The following TMEM163 variants were observed in gnomAD, a reference collection of about 807,000 sequenced individuals.
TMEM163 encodes the protein transmembrane protein 163.
A neutral mutation model predicts 29.3 loss-of-function variants in TMEM163; 17 were observed. The ratio of observed to expected loss-of-function variants is 0.58; its 90% CI spans 0.40 to 0.87. TMEM163 has a LOEUF of 0.87. Among genes scored for constraint, TMEM163 ranks in the 40% least tolerant of loss-of-function variants. The pLI is 0.00. For missense variants in TMEM163, 303 were observed against 381.5 expected (o/e 0.79, Z 1.71); for synonymous variants, 157 against 160.6 (o/e 0.98, Z 0.17).
At chr2:134,467,258 G>C (rs1466609545) in intron 5 of TMEM163, 1 of 152,196 alleles carries the variant, frequency 6.6e-6, no homozygotes, top group Non-Finnish European at 1.5e-5. Context: ...TCCTCCAAGA[G>C]TTGGAGATTA....
intron 2 of TMEM163, among the ~76,000 whole-genome samples, chr2:134,563,405 GAATT>G (rs1333700320): frequency 6.6e-6 from 1 of 152,158 alleles, no homozygotes; most frequent in Non-Finnish European, 1.5e-5. Flanking sequence ...GAACTAGAAA[GAATT>G]AAGAAGTGAA....
intron 2 of TMEM163, among the ~76,000 whole-genome samples, chr2:134,679,396 T>C (rs926286406): frequency 6.6e-6 from 1 of 152,150 alleles, no homozygotes; most frequent in Non-Finnish European, 1.5e-5. Context: ...TTTCCTTCCA[T>C]GAAAACAAGA....
At chr2:134,683,424 T>C (rs1399506217) in intron 2 of TMEM163, among the ~76,000 whole-genome samples, 2 of 135,816 alleles carry the variant, frequency 1.5e-5, no homozygotes, top group Non-Finnish European at 3.0e-5. Flanking sequence ...AAGTCTTTAA[T>C]TTAAAAAAAA....
intron 2 of TMEM163, among the ~76,000 whole-genome samples, chr2:134,679,247 C>T (rs1476869847): frequency 6.6e-6 from 1 of 152,190 alleles, no homozygotes; most frequent in Non-Finnish European, 1.5e-5. Context: ...CATGCTGGGG[C>T]GCACTCACTG....
chr2:134,567,446 C>G (rs1340089649), intron 2 of TMEM163, among the ~76,000 whole-genome samples: 1 of 152,184 alleles, frequency 6.6e-6, no homozygotes, highest in Non-Finnish European at 1.5e-5. Flanking sequence ...AATTCCAGCA[C>G]TTTGGGAGGC....
intron 2 of TMEM163, among the ~76,000 whole-genome samples, chr2:134,680,526 C>G (rs1398557378): frequency 6.6e-6 from 1 of 152,168 alleles, no homozygotes; most frequent in Admixed American, 6.5e-5. Flanking sequence ...ACAAATCTTT[C>G]ACTTTCTTAT....
At chr2:134,585,586 C>CA (rs1681797454) in intron 2 of TMEM163, among the ~76,000 whole-genome samples, 1 of 151,970 alleles carries the variant, frequency 6.6e-6, no homozygotes. Context: ...ACTAAAAATA[C>CA]AAAAAATTAG....
At chr2:134,485,878 A>T (rs919845905) in intron 5 of TMEM163, among the ~76,000 whole-genome samples, 10 of 152,110 alleles carry the variant, frequency 6.6e-5, no homozygotes, top group Non-Finnish European at 1.2e-4. Context: ...AAACCTTCAA[A>T]GCAACATCCA....
intron 5 of TMEM163, among the ~76,000 whole-genome samples, chr2:134,483,107 C>T (rs935053478): frequency 2.0e-4 from 30 of 152,204 alleles, no homozygotes; most frequent in African/African-American, 7.0e-4. Flanking sequence ...AATGAGGGCA[C>T]TCTGAGGCGC....
At chr2:134,669,733 G>A (rs936686880) in intron 2 of TMEM163, among the ~76,000 whole-genome samples, 4 of 152,176 alleles carry the variant, frequency 2.6e-5, no homozygotes, top group African/African-American at 9.7e-5. Context: ...AAGGCAAATC[G>A]GCTTCCACCT....
At chr2:134,626,144 G>A (rs1242522972) in intron 2 of TMEM163, among the ~76,000 whole-genome samples, 2 of 119,922 alleles carry the variant, frequency 1.7e-5, no homozygotes, top group Non-Finnish European at 3.2e-5. Context: ...TCGCTCTGTC[G>A]CTCAGGCTGG....
rs376494613 is a variant in TMEM163 at position 134,485,441 on chromosome 2, T to C, written c.555+17460A>G. 6.6e-5 allele frequency among the ~76,000 whole-genome samples: 10 copies of C among 152,252 alleles called. No individual in the cohort carries two copies. The East Asian group carries it at 1.5e-3, about 24-fold the overall frequency. On this transcript the variant is annotated intron_variant, in intron 5 of 7. Transcript: ENST00000281924. ...TCGTAAGTTGGGGACCATAAGTAGA[T>C]TTAGAAACGTATTACAAGGAGTCGG...
At chr2:134,691,847 T>C (rs1684476488) in intron 2 of TMEM163, among the ~76,000 whole-genome samples, 1 of 152,226 alleles carries the variant, frequency 6.6e-6, no homozygotes, top group Non-Finnish European at 1.5e-5. Context: ...GTATTTGCCT[T>C]TCTGTATCCT....
intron 2 of TMEM163, among the ~76,000 whole-genome samples, chr2:134,574,774 A>C (rs904441547): frequency 2.0e-5 from 3 of 152,138 alleles, no homozygotes; most frequent in African/African-American, 7.2e-5. Flanking sequence ...GCAAGGAAGG[A>C]GCAGACTGCC....
intron 5 of TMEM163, among the ~76,000 whole-genome samples, chr2:134,481,382 G>T (rs7582105): frequency 2.0e-4 from 28 of 143,502 alleles, no homozygotes; most frequent in East Asian, 4.3e-4. Flanking sequence ...AATCATGGGG[G>T]GGGGGGGAGC....
intron 2 of TMEM163, among the ~76,000 whole-genome samples, chr2:134,619,980 G>A (rs1682694102): frequency 6.6e-6 from 1 of 152,106 alleles, no homozygotes; most frequent in Admixed American, 6.6e-5. Context: ...TTAATAAAGT[G>A]TAAGACTCGT....
intron 4 of TMEM163, 115 bp from the exon 5 acceptor site, chr2:134,503,112 C>A: frequency 9.5e-7 from 1 of 1,053,028 alleles, no homozygotes; most frequent in Non-Finnish European, 1.4e-6. Context: ...TGTAATTTGC[C>A]ACACCCCCAG....
intron 2 of TMEM163, among the ~76,000 whole-genome samples, chr2:134,588,572 T>C (rs1245102419): frequency 6.6e-6 from 1 of 152,166 alleles, no homozygotes; most frequent in African/African-American, 2.4e-5. Context: ...TGCTCTCTCA[T>C]GTGCCTTGAG....
intron 2 of TMEM163, among the ~76,000 whole-genome samples, chr2:134,669,268 G>A (rs1171394994): frequency 1.3e-5 from 2 of 152,150 alleles, no homozygotes; most frequent in African/African-American, 4.8e-5. Context: ...CCTACTTTGG[G>A]CACGAGGTCC....
Sources: gnomAD v4.1 joint callset for allele counts (sites outside exome capture counted in the v4.1 genomes callset) on GRCh38, gnomAD v4.1.1 for gene constraint, MANE v1.5 for transcripts, NCBI Gene and HGNC (gene_info 2026-07-23, HGNC 2026-07-21) for gene names.